The following SCHIP1 variants were observed in gnomAD, a reference collection of about 807,000 sequenced individuals.
The protein encoded by SCHIP1 is schwannomin interacting protein 1, also known as schwannomin-interacting protein 1.
In SCHIP1, 8 loss-of-function variants were observed where a neutral mutation model predicts 29.7. The ratio of observed to expected loss-of-function variants is 0.27; its 90% CI spans 0.16 to 0.49. The LOEUF (loss-of-function observed/expected upper bound fraction) is 0.49, where lower values mean the gene tolerates loss of function less well. Ranked by LOEUF, SCHIP1 falls within the 20% of genes least tolerant of loss-of-function variation. SCHIP1 has a pLI of 0.99. For synonymous variants in SCHIP1, 76 were observed against 94.9 expected (o/e 0.80, Z 1.16); for missense variants, 193 against 294.6 (o/e 0.66, Z 2.52).
the SCHIP1 span, among the ~76,000 whole-genome samples, chr3:159,345,764 G>A: frequency 6.6e-6 from 1 of 152,140 alleles, no homozygotes; most frequent in East Asian, 1.9e-4. Context: ...AGACAGGAGT[G>A]CAGACAGGAA....
the SCHIP1 span, among the ~76,000 whole-genome samples, chr3:159,388,499 T>C: frequency 2.6e-5 from 4 of 152,126 alleles, no homozygotes; most frequent in Admixed American, 2.6e-4. Flanking sequence ...ATTTTCCTTA[T>C]ATATATTTAT....
chr3:159,653,173 A>T, the SCHIP1 span, among the ~76,000 whole-genome samples: 1 of 152,204 alleles, frequency 6.6e-6, no homozygotes, highest in Non-Finnish European at 1.5e-5. Context: ...TGTGGAAGAC[A>T]GTGTGGTGAT....
chr3:159,671,151 C>G, the SCHIP1 span, among the ~76,000 whole-genome samples: 1 of 152,270 alleles, frequency 6.6e-6, no homozygotes, highest in Admixed American at 6.5e-5. Flanking sequence ...TAGAAGCCCT[C>G]CCTCACTGAT....
the SCHIP1 span, among the ~76,000 whole-genome samples, chr3:159,718,997 A>G: frequency 2.6e-5 from 4 of 152,250 alleles, no homozygotes; most frequent in Admixed American, 1.3e-4. Context: ...ACAAGCCTAC[A>G]GTAACCAAAA....
the SCHIP1 span, among the ~76,000 whole-genome samples, chr3:159,791,660 A>T: frequency 6.6e-6 from 1 of 152,200 alleles, no homozygotes; most frequent in Non-Finnish European, 1.5e-5. Flanking sequence ...GGAGCCTGGG[A>T]AACATCCTTC....
At chr3:159,791,894 A>T in the SCHIP1 span, among the ~76,000 whole-genome samples, 1 of 152,224 alleles carries the variant, frequency 6.6e-6, no homozygotes, top group Non-Finnish European at 1.5e-5. Flanking sequence ...CTTTTATCTT[A>T]ATGAGGAAAA....
chr3:159,710,448 T>G, the SCHIP1 span, among the ~76,000 whole-genome samples: 1 of 152,134 alleles, frequency 6.6e-6, no homozygotes, highest in Non-Finnish European at 1.5e-5. Context: ...TTCAGTTAGA[T>G]GGAGGGACAA....
chr3:159,403,850 T>C, the SCHIP1 span, among the ~76,000 whole-genome samples: 1 of 152,202 alleles, frequency 6.6e-6, no homozygotes, highest in African/African-American at 2.4e-5. Context: ...GCAGCACAGC[T>C]TGCAGCTTCA....
chr3:159,368,614 C>A, the SCHIP1 span, among the ~76,000 whole-genome samples: 1 of 152,160 alleles, frequency 6.6e-6, no homozygotes, highest in Non-Finnish European at 1.5e-5. Context: ...AATTTGACAA[C>A]CCTCTAAGGT....
the SCHIP1 span, among the ~76,000 whole-genome samples, chr3:159,657,704 A>T: frequency 6.6e-6 from 1 of 152,232 alleles, no homozygotes; most frequent in South Asian, 2.1e-4. Flanking sequence ...CTGAAGATAA[A>T]CTAATTGTTA....
At chr3:159,813,687 CA>C in the SCHIP1 span, among the ~76,000 whole-genome samples, 21 of 145,918 alleles carry the variant, frequency 1.4e-4, no homozygotes, top group Non-Finnish European at 1.7e-4. Context: ...GACGCTATCT[CA>C]AAAAAAAAAG....
At chr3:159,473,674 G>GAAAAAAAAAAAAAAAAAAAAAAAAAA in the SCHIP1 span, among the ~76,000 whole-genome samples, 3 of 81,446 alleles carry the variant, frequency 3.7e-5, no homozygotes, top group Non-Finnish European at 4.8e-5. Context: ...ATGTAACTAC[G>GAAAAAAAAAAAAAAAAAAAAAAAAAA]AAAAAAAAAA....
At chr3:159,670,354 T>A in the SCHIP1 span, among the ~76,000 whole-genome samples, 1 of 152,206 alleles carries the variant, frequency 6.6e-6, no homozygotes, top group Non-Finnish European at 1.5e-5. Flanking sequence ...ATCTTCCAAC[T>A]AATCACAAGT....
chr3:159,425,756 A>G, the SCHIP1 span, among the ~76,000 whole-genome samples: 1 of 152,194 alleles, frequency 6.6e-6, no homozygotes, highest in South Asian at 2.1e-4. Flanking sequence ...TCAGCACCAC[A>G]CCACACCTAT....
chr3:159,594,964 T>C, the SCHIP1 span, among the ~76,000 whole-genome samples: 1 of 151,732 alleles, frequency 6.6e-6, no homozygotes, highest in Non-Finnish European at 1.5e-5. Context: ...ATGCCCCAAA[T>C]CCCCCAATTT....
chr3:159,473,692 A>G, the SCHIP1 span, among the ~76,000 whole-genome samples: 26 of 150,088 alleles, frequency 1.7e-4, no homozygotes, highest in East Asian at 4.6e-3. Context: ...AAAAAAAAAA[A>G]AAGAAAAGAA....
chr3:159,316,185 G>GATAT, the SCHIP1 span, among the ~76,000 whole-genome samples: 1 of 150,772 alleles, frequency 6.6e-6, no homozygotes. Flanking sequence ...GAACTAATAG[G>GATAT]ATATATATAT....
the SCHIP1 span, among the ~76,000 whole-genome samples, chr3:159,785,550 G>A: frequency 0.062 from 9,401 of 150,886 alleles, 942 homozygotes; most frequent in African/African-American, 0.21. Context: ...TAAATACAGA[G>A]CCATCCTCTC....
At chr3:159,686,659 C>A in the SCHIP1 span, among the ~76,000 whole-genome samples, 13 of 152,226 alleles carry the variant, frequency 8.5e-5, no homozygotes, top group South Asian at 8.3e-4. Flanking sequence ...TAAAAAGAGG[C>A]AAATAGCTCT....
Sources: allele counts gnomAD v4.1 joint callset (sites outside exome capture counted in the v4.1 genomes callset), GRCh38; gene constraint gnomAD v4.1.1; transcripts MANE v1.5; gene names NCBI Gene and HGNC (gene_info 2026-07-23, HGNC 2026-07-21).